The following RNF185 variants were observed in gnomAD, a reference collection of about 807,000 sequenced individuals.
The protein encoded by RNF185 is E3 ubiquitin-protein ligase RNF185.
RNF185 carries 13 observed loss-of-function variants against 24.9 expected under a neutral mutation model. That is an observed-to-expected ratio of 0.52 (90% confidence interval 0.34 to 0.83). RNF185 has a LOEUF of 0.83. Among genes scored for constraint, RNF185 ranks in the 40% least tolerant of loss-of-function variants. RNF185 has a pLI of 0.01. For synonymous variants in RNF185, 79 were observed against 90.3 expected (o/e 0.88, Z 0.71); for missense variants, 184 against 244.7 (o/e 0.75, Z 1.65).
At chr22:31,191,827 CAAAA>C (rs71784545) in intron 2 of RNF185, among the ~76,000 whole-genome samples, 2 of 64,356 alleles carry the variant, frequency 3.1e-5, no homozygotes, top group African/African-American at 4.9e-5. Flanking sequence ...AACTTCGTCT[CAAAA>C]AAAAAAAAAA....
At chr22:31,195,991 A>G (rs2048201983) in intron 4 of RNF185, among the ~76,000 whole-genome samples, 1 of 152,206 alleles carries the variant, frequency 6.6e-6, no homozygotes, top group Non-Finnish European at 1.5e-5. Flanking sequence ...GCATTCAACA[A>G]ACACAAGTAT....
chr22:31,197,995 A>G (rs1291853622), intron 5 of RNF185, among the ~76,000 whole-genome samples: 1 of 152,198 alleles, frequency 6.6e-6, no homozygotes. Context: ...ATTTACATCA[A>G]ATGTTACTCT....
intron 1 of RNF185, among the ~76,000 whole-genome samples, chr22:31,163,656 T>TTTATTTA (rs71319165): frequency 5.0e-3 from 699 of 141,086 alleles, no homozygotes; most frequent in Middle Eastern, 7.3e-3. Context: ...TTTTATTTTA[T>TTTATTTA]TTTATTTATT....
At chr22:31,201,082 T>C (rs1019826385) in intron 5 of RNF185, among the ~76,000 whole-genome samples, 5 of 152,232 alleles carry the variant, frequency 3.3e-5, no homozygotes. Context: ...TTAAAGATAA[T>C]GTGTAGCTTG....
chr22:31,198,249 T>C (rs1212956072), intron 5 of RNF185, among the ~76,000 whole-genome samples: 1 of 152,176 alleles, frequency 6.6e-6, no homozygotes, highest in East Asian at 1.9e-4. Context: ...TATTGAGTTT[T>C]TTATTATTTT....
chr22:31,195,412 C>A, intron 3 of RNF185, 57 bp from the exon 4 acceptor site: 1 of 1,206,566 alleles, frequency 8.3e-7, no homozygotes, highest in Non-Finnish European at 1.2e-6. Flanking sequence ...GTGGCTCTGG[C>A]TGATCACTCT....
chr22:31,199,340 C>G (rs2048239386), intron 5 of RNF185, among the ~76,000 whole-genome samples: 1 of 152,164 alleles, frequency 6.6e-6, no homozygotes, highest in African/African-American at 2.4e-5. Context: ...AAACCCAGAT[C>G]TGGCTGGTAT....
At chr22:31,170,411 G>C (rs567507344) in intron 1 of RNF185, among the ~76,000 whole-genome samples, 1 of 152,030 alleles carries the variant, frequency 6.6e-6, no homozygotes, top group African/African-American at 2.4e-5. Flanking sequence ...AGATGGTCTC[G>C]ATCTCCTTAC....
In RNF185 at chr22:31,198,737, T is replaced by C. The variant is rs374043061; in HGVS notation, c.363+1747T>C. Among the ~76,000 whole-genome samples, 126 of 142,452 alleles carry C rather than the reference T, an allele frequency of 8.8e-4. 1 individual carries two copies. The highest frequency in any genetic ancestry group is 3.1e-3 in the African/African-American group (120 of 38,270). 93.5% of individuals were successfully genotyped at this position (142,452 alleles called of 152,430 possible). ...TTTTTTTTTTTTTTTTTTTTGAGTT[T>C]GAATAATGGCATTTTATTAGGATTT... On this transcript the variant is annotated intron_variant, in intron 5 of 6. Transcript: ENST00000326132.
chr22:31,201,603 C>A lies in RNF185; in HGVS notation c.469C>A (p.Arg157=), dbSNP rs372339692. 5 of 1,607,102 alleles carry A rather than the reference C, an allele frequency of 3.1e-6. No homozygotes were observed. The highest frequency in any genetic ancestry group is 4.3e-6 in the Non-Finnish European group (5 of 1,174,232). The part of the protein sequence containing the change: ...FATAFNINDG[R]PPPAVPGTPQ... ...CACAGCATTTAATATAAATGATGGGCGGCCTCCTCCAGGTAAGACCCTATT... is the reference window on the plus strand; with the variant it reads ...CACAGCATTTAATATAAATGATGGGAGGCCTCCTCCAGGTAAGACCCTATT... The change falls in exon 6 of 7, where the codon CGG becomes AGG. Residue 157 remains arginine (R), a synonymous_variant. Transcript: ENST00000326132.
intron 1 of RNF185, among the ~76,000 whole-genome samples, chr22:31,172,016 C>T (rs139885788): frequency 2.6e-5 from 4 of 152,182 alleles, no homozygotes; most frequent in African/African-American, 9.6e-5. Flanking sequence ...AAGTATATAC[C>T]GGGTATTAAA....
intron 2 of RNF185, among the ~76,000 whole-genome samples, chr22:31,188,234 T>C (rs1339422565): frequency 1.3e-5 from 2 of 152,164 alleles, no homozygotes; most frequent in Admixed American, 1.3e-4. Flanking sequence ...AGAAATCGTG[T>C]GAAGAAAAGG....
intron 3 of RNF185, among the ~76,000 whole-genome samples, chr22:31,194,412 A>G (rs1356893170): frequency 6.6e-6 from 1 of 152,044 alleles, no homozygotes. Context: ...CCTGGGATAC[A>G]CAGTTGTTGG....
At chr22:31,189,099 CTGGG>C (rs2048128343) in intron 2 of RNF185, among the ~76,000 whole-genome samples, 1 of 144,150 alleles carries the variant, frequency 6.9e-6, no homozygotes, top group African/African-American at 2.6e-5. Flanking sequence ...GCACTCCAGC[CTGGG>C]TGATGGAGCA....
Position 31,204,474 on chromosome 22 carries a change from T to C in RNF185, c.482-15T>C, listed in dbSNP as rs2413035. 0.74 allele frequency: 1,171,075 copies of C among 1,587,772 alleles called. 435,801 individuals carry two copies. Among genetic ancestry groups the C allele is most frequent in the African/African-American group, 0.95 (70,946 of 74,522 alleles). On this transcript the variant is annotated splice_polypyrimidine_tract_variant and intron_variant, in intron 6 of 6. Coordinates refer to ENST00000326132, the MANE Select transcript of RNF185 (RefSeq NM_152267.4). ...AGTGTTCTAATAGCCTGTTTTCTCC[T>C]TTCTGTCTCTCCAGCTGTCCCTGGG...
intron 2 of RNF185, among the ~76,000 whole-genome samples, chr22:31,190,281 TTTTG>T (rs773652281): frequency 2.4e-4 from 37 of 152,074 alleles, no homozygotes; most frequent in Admixed American, 4.6e-4. Context: ...ATGTTGGATT[TTTTG>T]TTTGTTTGTT....
At chr22:31,197,684 A>G (rs1279158719) in intron 5 of RNF185, among the ~76,000 whole-genome samples, 1 of 152,078 alleles carries the variant, frequency 6.6e-6, no homozygotes. Context: ...TGTAGCTGGG[A>G]CCACAGGTGC....
intron 2 of RNF185, among the ~76,000 whole-genome samples, chr22:31,192,090 T>TA (rs1165563559): frequency 6.6e-6 from 1 of 152,156 alleles, no homozygotes; most frequent in African/African-American, 2.4e-5. Flanking sequence ...TTCTATTACT[T>TA]AAAGATGCTT....
chr22:31,163,403 C>T (rs1281340388), intron 1 of RNF185, among the ~76,000 whole-genome samples: 1 of 151,800 alleles, frequency 6.6e-6, no homozygotes, highest in Non-Finnish European at 1.5e-5. Context: ...ACATAGCCTA[C>T]TACAGCCTTG....
Sources: allele counts gnomAD v4.1 joint callset (sites outside exome capture counted in the v4.1 genomes callset), GRCh38; gene constraint gnomAD v4.1.1; transcripts MANE v1.5; gene names NCBI Gene and HGNC (gene_info 2026-07-23, HGNC 2026-07-21).